SLC9A7: variants seen among roughly 807,000 people sequenced by gnomAD.
SLC9A7 encodes sodium/hydrogen exchanger 7.
In SLC9A7, 19 loss-of-function variants were observed where a neutral mutation model predicts 52.6. That is an observed-to-expected ratio of 0.36 (90% CI 0.25 to 0.53). SLC9A7 has a LOEUF of 0.53. Ranked by LOEUF, SLC9A7 falls within the 20% of genes least tolerant of loss-of-function variation. SLC9A7 has a pLI of 0.91. For synonymous variants in SLC9A7, 226 were observed against 252.1 expected, an observed-to-expected ratio of 0.90 and a Z score of 0.98; for missense variants, 455 against 597.9, an observed-to-expected ratio of 0.76 and a Z score of 2.49.
intron 16 of SLC9A7, 96 bp downstream of exon 16, chrX:46,613,193 G>A (rs1942886840): frequency 1.5e-5 from 8 of 542,073 alleles, no homozygotes; most frequent in South Asian, 5.4e-5. Context: ...AAAAATCTGT[G>A]GATTTGGAGG....
intron 16 of SLC9A7, among the ~76,000 whole-genome samples, chrX:46,611,676 C>T (rs73200258): frequency 0.026 from 2,925 of 112,566 alleles, 39 homozygotes; most frequent in Middle Eastern, 0.055. Flanking sequence ...TGGTCACCTT[C>T]CTCTGAGGGG....
chrX:46,735,997 G>T (rs1945115742), intron 1 of SLC9A7, among the ~76,000 whole-genome samples: 1 of 111,312 alleles, frequency 9.0e-6, no homozygotes, highest in African/African-American at 3.3e-5. Context: ...ATCTTGCTTG[G>T]TGTTCTCTAA....
chrX:46,710,555 C>G (rs889885526), intron 1 of SLC9A7, among the ~76,000 whole-genome samples: 3 of 110,460 alleles, frequency 2.7e-5, no homozygotes, highest in South Asian at 3.9e-4. Flanking sequence ...TGGAATGCAC[C>G]TGAGATTCGT....
intron 1 of SLC9A7, among the ~76,000 whole-genome samples, chrX:46,712,809 G>A (rs923311689): frequency 8.9e-6 from 1 of 112,115 alleles, no homozygotes; most frequent in African/African-American, 3.2e-5. Flanking sequence ...CAAAATGTTT[G>A]AGTCACATCT....
At chrX:46,672,288 A>G (rs1464338181) in intron 4 of SLC9A7, among the ~76,000 whole-genome samples, 1 of 111,650 alleles carries the variant, frequency 9.0e-6, no homozygotes, top group Non-Finnish European at 1.9e-5. Flanking sequence ...AGAATTAGCC[A>G]TTTCTGCAAG....
At chrX:46,642,233 C>G (rs749557640) in intron 12 of SLC9A7, among the ~76,000 whole-genome samples, 145 of 113,124 alleles carry the variant, frequency 1.3e-3, no homozygotes, top group Non-Finnish European at 2.3e-3. Context: ...TATGTACGCT[C>G]TGCAGCTGTG....
At chrX:46,713,316 A>G (rs1366236627) in intron 1 of SLC9A7, among the ~76,000 whole-genome samples, 1 of 109,247 alleles carries the variant, frequency 9.2e-6, no homozygotes, top group Non-Finnish European at 1.9e-5. Context: ...CCTGGCCAAC[A>G]TGGTGAAACC....
chrX:46,701,759 G>A (rs1944535725), intron 1 of SLC9A7, among the ~76,000 whole-genome samples: 1 of 111,243 alleles, frequency 9.0e-6, no homozygotes. Flanking sequence ...CGGGCAGTGA[G>A]TATGGACATG....
chrX:46,713,043 C>T lies in SLC9A7; in HGVS notation c.326-30508G>A, dbSNP rs185128782. On this transcript the variant is annotated intron_variant, in intron 1 of 16. Transcript: ENST00000616978. Reference sequence around the variant, plus strand: ...CTTGATAACTGAAACAAAAAGGAAGCATTGTGTGCTATTTAATTCTCATAA... The same window carrying T: ...CTTGATAACTGAAACAAAAAGGAAGTATTGTGTGCTATTTAATTCTCATAA... Among the ~76,000 whole-genome samples the T allele has an allele frequency of 1.1e-3, 125 of 112,400 alleles. 1 individual carries two copies. Among genetic ancestry groups the T allele is most frequent in the Non-Finnish European group, 1.7e-4 (9 of 53,258 alleles).
chrX:46,606,471 C>G lies in SLC9A7; in HGVS notation c.*481G>C. 1.3e-6 allele frequency: 1 copy of G among 758,497 alleles called. No individual in the cohort carries two copies. Among genetic ancestry groups the G allele is most frequent in the African/African-American group, 2.3e-5 (1 of 43,857 alleles). The allele number at this position is 758,497 out of a possible 1,213,427, so 62.5% of individuals were successfully genotyped here. A position where few individuals can be genotyped will look rare whatever the true frequency, so the allele number is the denominator to read the frequency against. ...CCTCCAAATTGCTTTTTCATGTTTT[C>G]TGTCCCATTTAACACCAAGTTTCCC... On this transcript the variant is annotated 3_prime_UTR_variant, in exon 17 of 17. Coordinates refer to ENST00000616978, the MANE Select transcript of SLC9A7 (RefSeq NM_001257291.2).
At chrX:46,634,916 C>A (rs1411781863) in intron 13 of SLC9A7, among the ~76,000 whole-genome samples, 1 of 109,382 alleles carries the variant, frequency 9.1e-6, no homozygotes, top group East Asian at 2.9e-4. Flanking sequence ...AGAAAACATG[C>A]CAATTAGAGA....
intron 7 of SLC9A7, among the ~76,000 whole-genome samples, chrX:46,655,972 G>C (rs1308800106): frequency 9.0e-6 from 1 of 111,657 alleles, no homozygotes; most frequent in Middle Eastern, 4.2e-3. Flanking sequence ...AAATGTCCCT[G>C]TCTGACAGCT....
At chrX:46,637,232 C>T (rs1338074728) in intron 12 of SLC9A7, among the ~76,000 whole-genome samples, 1 of 111,736 alleles carries the variant, frequency 8.9e-6, no homozygotes, top group Non-Finnish European at 1.9e-5. Context: ...AAATAAGTTG[C>T]CCAAGGTCAC....
chrX:46,647,205 C>T (rs1943507422), intron 11 of SLC9A7: 2 of 238,773 alleles, frequency 8.4e-6, no homozygotes, highest in Non-Finnish European at 1.6e-5. Flanking sequence ...TCTTGCAGTG[C>T]CTGTCCACCA....
At position 46,753,100 on chromosome X, in the gene SLC9A7, C is replaced by T. The variant is rs782576525; in HGVS notation, c.325+5605G>A. Among the ~76,000 whole-genome samples, 6 of 112,123 alleles carry T rather than the reference C, an allele frequency of 5.4e-5. No individual in the cohort carries two copies. The South Asian group carries it at 1.1e-3, about 21-fold the overall frequency. On this transcript the variant is annotated intron_variant, in intron 1 of 16. Transcript: ENST00000616978. ...AGAGACCGCTTTACAAAGAACATTT[C>T]GACAATCCAAGGAAAATGCTATGTA...
At chrX:46,657,683 T>C (rs1943727346) in intron 7 of SLC9A7, among the ~76,000 whole-genome samples, 1 of 111,032 alleles carries the variant, frequency 9.0e-6, no homozygotes, top group Non-Finnish European at 1.9e-5. Context: ...CTATCCTAAA[T>C]ATATATGCAC....
chrX:46,722,445 T>C (rs1339790030), intron 1 of SLC9A7, among the ~76,000 whole-genome samples: 1 of 112,145 alleles, frequency 8.9e-6, no homozygotes, highest in African/African-American at 3.2e-5. Context: ...AGAGTGATAG[T>C]TGAGTTCTTC....
Position 46,711,887 on chromosome X carries a change from C to T in SLC9A7, c.326-29352G>A, listed in dbSNP as rs183638171. ...AGGGAAGGCACTCCCTTTAACGGCA[C>T]AGCCTCTAAATTACACACACACACA... On this transcript the variant is annotated intron_variant, in intron 1 of 16. Coordinates refer to ENST00000616978, the MANE Select transcript of SLC9A7 (RefSeq NM_001257291.2). Among the ~76,000 whole-genome samples the T allele has an allele frequency of 1.7e-3, 142 of 82,537 alleles. 4 individuals carry two copies. In the East Asian group the frequency reaches 0.019, roughly 11 times the overall value. The allele number at this position is 82,537 out of a possible 115,157, so 71.7% of individuals were successfully genotyped here.
chrX:46,688,489 C>G (rs779775342), intron 1 of SLC9A7, among the ~76,000 whole-genome samples: 2 of 109,139 alleles, frequency 1.8e-5, no homozygotes, highest in Non-Finnish European at 3.8e-5. Context: ...CCTAGCTACT[C>G]AGGAGGCTGA....
Sources: allele counts gnomAD v4.1 joint callset (sites outside exome capture counted in the v4.1 genomes callset), GRCh38; gene constraint gnomAD v4.1.1; transcripts MANE v1.5; gene names NCBI Gene and HGNC (gene_info 2026-07-23, HGNC 2026-07-21).